Variants in ARSG observed in about 807,000 individuals in gnomAD.
ARSG encodes the protein arylsulfatase G.
In ARSG, 37 loss-of-function variants were observed where a neutral mutation model predicts 50.5. The observed-to-expected ratio is 0.73, with a 90% CI of 0.56 to 0.96. The LOEUF is 0.96. ARSG is among the 50% of genes least tolerant of loss of function. The pLI is 0.00. For synonymous variants in ARSG, 225 were observed against 254.6 expected (o/e 0.88, Z 1.11); for missense variants, 629 against 675.3 (o/e 0.93, Z 0.76).
At chr17:68,376,276 C>CGTTTTTTTTTTTTTTTTTTTTTTTTTTTT in intron 8 of ARSG, among the ~76,000 whole-genome samples, 1 of 131,944 alleles carries the variant, frequency 7.6e-6, no homozygotes, top group Admixed American at 7.9e-5. Flanking sequence ...GCGCCCCCTG[C>CGTTTTTTTTTTTTTTTTTTTTTTTTTTTT]ATTTTTTTTT....
intron 6 of ARSG, among the ~76,000 whole-genome samples, chr17:68,357,958 C>T (rs1044774836): frequency 6.6e-6 from 1 of 152,178 alleles, no homozygotes; most frequent in African/African-American, 2.4e-5. Context: ...AATCCCAGCA[C>T]TTTGGGAGGC....
chr17:68,323,018 A>G (rs2077354635), intron 2 of ARSG, among the ~76,000 whole-genome samples: 1 of 151,284 alleles, frequency 6.6e-6, no homozygotes, highest in South Asian at 2.1e-4. Context: ...TACAATAATA[A>G]TAAATTAATA....
intron 6 of ARSG, among the ~76,000 whole-genome samples, chr17:68,366,677 ATGTGTGTG>A (rs3072873): frequency 3.4e-5 from 5 of 148,256 alleles, no homozygotes; most frequent in Non-Finnish European, 7.5e-5. Context: ...GAATTTATGT[ATGTGTGTG>A]TGTGTGTGTG....
chr17:68,368,569 G>C lies in ARSG; in HGVS notation c.726G>C (p.Leu242=), dbSNP rs2079662911. 40 of 1,614,002 alleles carry C rather than the reference G, an allele frequency of 2.5e-5. No homozygotes were observed. Among genetic ancestry groups the C allele is most frequent in the Non-Finnish European group, 3.4e-5 (40 of 1,179,998 alleles). Residue 242 remains leucine (L), a synonymous_variant, in exon 7 of 12, where the codon CTG becomes CTC. Transcript: ENST00000621439. ...QRASTSGRPF[L]LYVALAHMHV... ...TCAGCACCAGCGGGAGGCCCTTCCT[G>C]CTCTATGTGGCTCTGGCCCACATGC...
At chr17:68,328,111 G>C (rs956204323) in intron 2 of ARSG, among the ~76,000 whole-genome samples, 1 of 152,050 alleles carries the variant, frequency 6.6e-6, no homozygotes. Flanking sequence ...CAGTGTACAT[G>C]ATACCAGGAT....
chr17:68,400,998 G>GCATCTAGCATCATCTA (rs2081447421), intron 10 of ARSG: 1 of 183,200 alleles, frequency 5.5e-6, no homozygotes, highest in African/African-American at 2.4e-5. Context: ...GTTCCAGGGA[G>GCATCTAGCATCATCTA]CATCTAGCAT....
At chr17:68,337,202 G>A (rs1390872388) in intron 2 of ARSG, among the ~76,000 whole-genome samples, 1 of 152,182 alleles carries the variant, frequency 6.6e-6, no homozygotes, top group Non-Finnish European at 1.5e-5. Flanking sequence ...GGCAGCCCTG[G>A]ATTATTGCGT....
intron 8 of ARSG, among the ~76,000 whole-genome samples, 200 bp from the exon 9 acceptor site, chr17:68,384,864 A>C (rs1402706871): frequency 6.6e-6 from 1 of 152,224 alleles, no homozygotes; most frequent in Non-Finnish European, 1.5e-5. Context: ...AACTTTTTAC[A>C]TCTGAAGTCC....
chr17:68,259,646 G>A (rs2075042409), intron 1 of ARSG, among the ~76,000 whole-genome samples: 1 of 152,166 alleles, frequency 6.6e-6, no homozygotes, highest in Non-Finnish European at 1.5e-5. Flanking sequence ...TTAATCCAAT[G>A]CATCCAAAAT....
intron 5 of ARSG, among the ~76,000 whole-genome samples, chr17:68,352,140 G>C (rs1641448546): frequency 1.5e-5 from 1 of 66,580 alleles, no homozygotes; most frequent in Admixed American, 1.7e-4. Context: ...GAGAGAGACA[G>C]AGGAGAGAGA....
At chr17:68,430,655 C>T in the ARSG span, among the ~76,000 whole-genome samples, 2 of 152,122 alleles carry the variant, frequency 1.3e-5, no homozygotes, top group African/African-American at 4.8e-5. Context: ...CTGGAGTCAC[C>T]CAGGTACCCA....
rs71293553 is a variant in ARSG at position 68,381,961 on chromosome 17, CTT to C, written c.983-3091_983-3090del. Among the ~76,000 whole-genome samples, 15 of 142,484 alleles carry C rather than the reference CTT, an allele frequency of 1.1e-4. No individual in the cohort carries two copies. The highest frequency in any genetic ancestry group is 7.7e-5 in the African/African-American group (3 of 39,126). The allele number at this position is 142,484 out of a possible 152,430, so 93.5% of individuals were successfully genotyped here. On this transcript the variant is annotated intron_variant, in intron 8 of 11. Transcript: ENST00000621439. This position sits in a 1 kb window ranked among gnomAD's most constrained non-coding sequence, Gnocchi z 4.1. ...TTGGCTCTATCATTTTCTTTCTTTC[CTT>C]TTTTTTTTTTTGACAGAGTCTCTGT...
chr17:68,331,180 T>TCTTG (rs2077726812), intron 2 of ARSG, among the ~76,000 whole-genome samples: 1 of 23,168 alleles, frequency 4.3e-5, no homozygotes, highest in East Asian at 9.8e-4. Context: ...AGACAGGGTT[T>TCTTG]CTTTCTTTCT....
chr17:68,388,384 T>G (rs1325931853), intron 9 of ARSG, among the ~76,000 whole-genome samples: 1 of 151,984 alleles, frequency 6.6e-6, no homozygotes, highest in Non-Finnish European at 1.5e-5. Flanking sequence ...CCCCACCCCC[T>G]AAGTTGTACA....
In ARSG at chr17:68,356,470, A is replaced by G. The variant is rs2041982; in HGVS notation, c.567-197A>G. ...AGAGTGGTCAGCTCGTCCATGGAAC[A>G]TAAATATCTATTCAAAGGGAATGGA... is the stretch of plus-strand genomic sequence containing the variant. On this transcript the variant is annotated intron_variant, in intron 5 of 11. Coordinates refer to ENST00000621439, the MANE Select transcript of ARSG (RefSeq NM_001267727.2). 0.52 allele frequency among the ~76,000 whole-genome samples: 78,751 copies of G among 152,104 alleles called. 20,584 individuals carry two copies. The highest frequency in any genetic ancestry group is 0.58 in the Admixed American group (8,865 of 15,282).
At chr17:68,401,585 T>TCTC in intron 11 of ARSG, 135 bp downstream of exon 11, 1 of 724,504 alleles carries the variant, frequency 1.4e-6, no homozygotes, top group African/African-American at 1.8e-5. Context: ...TTGACAAGCG[T>TCTC]CTCCTCCAAA....
intron 8 of ARSG, among the ~76,000 whole-genome samples, chr17:68,382,930 G>T (rs915480677): frequency 7.2e-5 from 11 of 152,116 alleles, no homozygotes; most frequent in African/African-American, 2.7e-4. Flanking sequence ...AAAAAGAGGG[G>T]ATTGCTCCTT....
chr17:68,372,017 G>T (rs1775794890), intron 8 of ARSG, among the ~76,000 whole-genome samples: 1 of 152,062 alleles, frequency 6.6e-6, no homozygotes, highest in Non-Finnish European at 1.5e-5. Flanking sequence ...GAGTTGAAGG[G>T]GTGAATTTCC....
At chr17:68,317,372 A>G (rs781927134) in intron 2 of ARSG, among the ~76,000 whole-genome samples, 12 of 152,078 alleles carry the variant, frequency 7.9e-5, no homozygotes, top group Admixed American at 4.6e-4. Flanking sequence ...TTACTGTTAT[A>G]ATCAGCTCTC....
Sources: allele counts gnomAD v4.1 joint callset (sites outside exome capture counted in the v4.1 genomes callset), GRCh38; gene constraint gnomAD v4.1.1; non-coding constraint Gnocchi (gnomAD v3.1); transcripts MANE v1.5; gene names NCBI Gene and HGNC (gene_info 2026-07-23, HGNC 2026-07-21).